Variants in DACH1 observed in about 807,000 individuals in gnomAD.
DACH1 encodes the protein dachshund family transcription factor 1.
DACH1 carries 12 observed loss-of-function variants against 54.2 expected under a neutral mutation model. That is an observed-to-expected ratio of 0.22 (90% CI 0.14 to 0.36). The LOEUF (loss-of-function observed/expected upper bound fraction) is 0.36. Among genes scored for constraint, DACH1 ranks in the 10% least tolerant of loss-of-function variants. The probability of loss-of-function intolerance (pLI) is 1.00; values close to 1 mark genes in which losing one functional copy is unlikely to be tolerated. For synonymous variants in DACH1, 386 were observed against 366.2 expected (o/e 1.05, Z -0.62); for missense variants, 805 against 929.8 (o/e 0.87, Z 1.75).
chr13:71,752,772 C>T (rs561219311), intron 1 of DACH1, among the ~76,000 whole-genome samples: 2 of 152,232 alleles, frequency 1.3e-5, no homozygotes, highest in African/African-American at 4.8e-5. Flanking sequence ...TTGACAGTAT[C>T]TTTTTATATT....
chr13:71,554,192 A>T (rs1382904433), intron 6 of DACH1, among the ~76,000 whole-genome samples: 2 of 152,074 alleles, frequency 1.3e-5, no homozygotes, highest in Non-Finnish European at 2.9e-5. Context: ...AAAGCCTATG[A>T]ATATTTACTA....
chr13:71,781,101 C>T (rs1293477629), intron 1 of DACH1, among the ~76,000 whole-genome samples: 5 of 152,142 alleles, frequency 3.3e-5, no homozygotes, highest in Non-Finnish European at 5.9e-5. Context: ...TGACACTGCA[C>T]TCCAGCCTGG....
intron 2 of DACH1, among the ~76,000 whole-genome samples, chr13:71,678,002 G>T (rs1017062250): frequency 6.6e-6 from 1 of 152,200 alleles, no homozygotes; most frequent in Non-Finnish European, 1.5e-5. Flanking sequence ...ACAGGCATCA[G>T]CCACCGCCCC....
chr13:71,474,089 C>T (rs1877311889), intron 10 of DACH1, among the ~76,000 whole-genome samples: 2 of 152,074 alleles, frequency 1.3e-5, no homozygotes, highest in African/African-American at 4.8e-5. Flanking sequence ...CTCATAATAA[C>T]ATATGATTCA....
chr13:71,830,713 G>A (rs1360173894), intron 1 of DACH1, among the ~76,000 whole-genome samples: 1 of 151,732 alleles, frequency 6.6e-6, no homozygotes, highest in East Asian at 1.9e-4. Context: ...GACTCCTGAA[G>A]GGAAAAGAAG....
intron 1 of DACH1, among the ~76,000 whole-genome samples, chr13:71,836,098 G>A (rs559752070): frequency 1.3e-5 from 2 of 151,946 alleles, no homozygotes; most frequent in Non-Finnish European, 2.9e-5. Flanking sequence ...ACCTTATCTT[G>A]CTCAATAATT....
At chr13:71,499,867 A>G (rs1879766433) in intron 6 of DACH1, among the ~76,000 whole-genome samples, 1 of 152,182 alleles carries the variant, frequency 6.6e-6, no homozygotes, top group Non-Finnish European at 1.5e-5. Flanking sequence ...CAGCTCAAAC[A>G]AAAAATGCAC....
intron 10 of DACH1, among the ~76,000 whole-genome samples, chr13:71,461,061 T>C (rs1406489744): frequency 6.6e-5 from 10 of 152,076 alleles, no homozygotes; most frequent in Admixed American, 6.6e-4. Flanking sequence ...TACTATATTA[T>C]ATAATAAATC....
chr13:71,592,494 C>CAAAAAAAAAAAAAAAAA (rs575364116), intron 3 of DACH1, among the ~76,000 whole-genome samples: 5 of 32,754 alleles, frequency 1.5e-4, no homozygotes, highest in Non-Finnish European at 3.0e-4. Context: ...GACTCTATCT[C>CAAAAAAAAAAAAAAAAA]AAAAAAAAAA....
chr13:71,837,842 A>T (rs1888858511), intron 1 of DACH1, among the ~76,000 whole-genome samples: 1 of 150,562 alleles, frequency 6.6e-6, no homozygotes, highest in Non-Finnish European at 1.5e-5. Flanking sequence ...TGATGAGTTC[A>T]TGTCCTTTGT....
At chr13:71,547,283 G>A (rs1883523239) in intron 6 of DACH1, among the ~76,000 whole-genome samples, 2 of 152,008 alleles carry the variant, frequency 1.3e-5, no homozygotes, top group African/African-American at 2.4e-5. Context: ...AAGACCTTTG[G>A]TGCATGCTTT....
At chr13:71,519,115 GA>G (rs917150363) in intron 6 of DACH1, among the ~76,000 whole-genome samples, 3 of 151,622 alleles carry the variant, frequency 2.0e-5, no homozygotes, top group African/African-American at 4.8e-5. Context: ...TCCCTTTATA[GA>G]AAAAAATTGC....
At chr13:71,501,289 C>T (rs1593795739) in intron 6 of DACH1, among the ~76,000 whole-genome samples, 1 of 152,032 alleles carries the variant, frequency 6.6e-6, no homozygotes, top group African/African-American at 2.4e-5. Flanking sequence ...GTTAGCAGTG[C>T]TTGGTTTTTC....
At chr13:71,653,956 TGTGTGCTCAAAACTATA>T (rs1438523554) in intron 2 of DACH1, among the ~76,000 whole-genome samples, 3 of 152,204 alleles carry the variant, frequency 2.0e-5, no homozygotes, top group Non-Finnish European at 4.4e-5. Flanking sequence ...ATATTTGCAC[TGTGTGCTCAAAACTATA>T]GTCAGCGTTC....
At chr13:71,826,923 C>A (rs1192272489) in intron 1 of DACH1, among the ~76,000 whole-genome samples, 1 of 151,962 alleles carries the variant, frequency 6.6e-6, no homozygotes, top group Non-Finnish European at 1.5e-5. Flanking sequence ...TAATCCTGAA[C>A]CAAAGTCTTC....
intron 2 of DACH1, among the ~76,000 whole-genome samples, chr13:71,653,666 T>C (rs376408657): frequency 5.3e-4 from 81 of 152,318 alleles, no homozygotes; most frequent in African/African-American, 1.8e-3. Flanking sequence ...GGTTTGAATC[T>C]CTCCCTTTAT....
chr13:71,744,905 G>C (rs1884543339), intron 1 of DACH1, among the ~76,000 whole-genome samples: 1 of 152,006 alleles, frequency 6.6e-6, no homozygotes, highest in African/African-American at 2.4e-5. Context: ...TTCTACATAA[G>C]CAACCCAGCA....
At chr13:71,679,602 C>A (rs75926416) in intron 2 of DACH1, among the ~76,000 whole-genome samples, 1 of 149,918 alleles carries the variant, frequency 6.7e-6, no homozygotes, top group African/African-American at 2.5e-5. Context: ...AAAAAAAAAA[C>A]ATCAGAAACA....
At chr13:71,499,132 C>CACACA (rs200229201) in intron 6 of DACH1, among the ~76,000 whole-genome samples, 1 of 46,160 alleles carries the variant, frequency 2.2e-5, no homozygotes, top group Non-Finnish European at 6.2e-5. Context: ...CACACACACA[C>CACACA]GCAGACACAC....
Sources: gnomAD v4.1 joint callset for allele counts (sites outside exome capture counted in the v4.1 genomes callset) on GRCh38, gnomAD v4.1.1 for gene constraint, MANE v1.5 for transcripts, NCBI Gene and HGNC (gene_info 2026-07-23, HGNC 2026-07-21) for gene names.